The following ZSWIM5 variants were observed in gnomAD, a reference collection of about 807,000 sequenced individuals.
ZSWIM5 encodes the protein zinc finger SWIM-type containing 5, also known as zinc finger SWIM domain-containing protein 5.
In ZSWIM5, 55 loss-of-function variants were observed where a neutral mutation model predicts 119.6. The ratio of observed to expected loss-of-function variants is 0.46; its 90% confidence interval spans 0.37 to 0.58. The LOEUF (loss-of-function observed/expected upper bound fraction) is 0.58, where lower values mean the gene tolerates loss of function less well. Among genes scored for constraint, ZSWIM5 ranks in the 20% least tolerant of loss-of-function variants. The probability of loss-of-function intolerance (pLI) is 0.00; values close to 1 mark genes in which losing one functional copy is unlikely to be tolerated. For synonymous variants in ZSWIM5, 537 were observed against 606.9 expected (o/e 0.88, Z 1.69); for missense variants, 1,193 against 1,512.8 (o/e 0.79, Z 3.51).
chr1:45,097,560 A>G (rs533869603), intron 1 of ZSWIM5, among the ~76,000 whole-genome samples: 1 of 152,342 alleles, frequency 6.6e-6, no homozygotes, highest in African/African-American at 2.4e-5. Context: ...AAGTTACGTG[A>G]TTTGCCCTAA....
intron 1 of ZSWIM5, among the ~76,000 whole-genome samples, chr1:45,150,932 G>C (rs1645793460): frequency 6.6e-6 from 1 of 152,118 alleles, no homozygotes; most frequent in East Asian, 1.9e-4. Flanking sequence ...AAGGAACCCA[G>C]GATTCTCTGT....
intron 1 of ZSWIM5, among the ~76,000 whole-genome samples, chr1:45,136,056 T>A (rs1377471287): frequency 1.1e-4 from 17 of 152,148 alleles, no homozygotes; most frequent in Admixed American, 1.1e-3. Context: ...CGATGGAGTT[T>A]CGCCATGTTG....
chr1:45,160,342 T>C (rs1182457101), intron 1 of ZSWIM5, among the ~76,000 whole-genome samples: 1 of 152,196 alleles, frequency 6.6e-6, no homozygotes, highest in African/African-American at 2.4e-5. Flanking sequence ...AAATATACAA[T>C]ACATTGTTGC....
intron 1 of ZSWIM5, among the ~76,000 whole-genome samples, chr1:45,101,141 C>T (rs1645437420): frequency 6.6e-6 from 1 of 151,696 alleles, no homozygotes; most frequent in Non-Finnish European, 1.5e-5. Context: ...TTGCAATCTA[C>T]TCATCTGACA....
chr1:45,182,453 C>A (rs1646027479), intron 1 of ZSWIM5, among the ~76,000 whole-genome samples: 3 of 151,432 alleles, frequency 2.0e-5, no homozygotes, highest in Non-Finnish European at 2.9e-5. Context: ...CACAGACTGG[C>A]AAATTGGATA....
intron 11 of ZSWIM5, among the ~76,000 whole-genome samples, chr1:45,033,654 A>G (rs1034721610): frequency 6.6e-6 from 1 of 152,126 alleles, no homozygotes; most frequent in African/African-American, 2.4e-5. Context: ...TATCTTAGTC[A>G]TCACTTCATT....
intron 1 of ZSWIM5, among the ~76,000 whole-genome samples, chr1:45,122,061 G>A (rs2149027889): frequency 6.6e-6 from 1 of 152,190 alleles, no homozygotes; most frequent in Middle Eastern, 3.4e-3. Context: ...ATTATCTATA[G>A]TACACAATTA....
intron 5 of ZSWIM5, among the ~76,000 whole-genome samples, chr1:45,047,222 G>A (rs745802681): frequency 3.3e-5 from 5 of 152,030 alleles, no homozygotes; most frequent in Middle Eastern, 3.4e-3. Flanking sequence ...CAAATACTGC[G>A]GATAGGTCAA....
At chr1:45,173,545 G>A (rs1645958551) in intron 1 of ZSWIM5, among the ~76,000 whole-genome samples, 1 of 152,046 alleles carries the variant, frequency 6.6e-6, no homozygotes, top group Non-Finnish European at 1.5e-5. Flanking sequence ...TTTTCACTGT[G>A]CATAACTGAA....
intron 2 of ZSWIM5, among the ~76,000 whole-genome samples, chr1:45,082,830 G>C (rs1205309004): frequency 6.6e-6 from 1 of 152,218 alleles, no homozygotes; most frequent in Non-Finnish European, 1.5e-5. Context: ...CAGCACAGTA[G>C]TAATGAGGGA....
chr1:45,196,221 TA>T (rs1646124866), intron 1 of ZSWIM5, among the ~76,000 whole-genome samples: 1 of 151,396 alleles, frequency 6.6e-6, no homozygotes, highest in Non-Finnish European at 1.5e-5. Context: ...CGGCTGCATA[TA>T]AAATTACCTG....
intron 11 of ZSWIM5, among the ~76,000 whole-genome samples, chr1:45,031,319 G>A (rs1553187682): frequency 6.6e-6 from 1 of 151,434 alleles, no homozygotes; most frequent in Non-Finnish European, 1.5e-5. Flanking sequence ...TGGGATTATA[G>A]GCGCATGCCA....
intron 1 of ZSWIM5, among the ~76,000 whole-genome samples, chr1:45,175,843 A>G (rs1019270488): frequency 6.6e-6 from 1 of 150,758 alleles, no homozygotes; most frequent in Non-Finnish European, 1.5e-5. Flanking sequence ...TTATTTTGAC[A>G]CTCAATTCAT....
chr1:45,021,873 T>G (rs938359185), intron 11 of ZSWIM5, among the ~76,000 whole-genome samples: 1 of 151,576 alleles, frequency 6.6e-6, no homozygotes, highest in African/African-American at 2.4e-5. Flanking sequence ...AATACAAAAA[T>G]TAGCCAGGCA....
intron 3 of ZSWIM5, among the ~76,000 whole-genome samples, chr1:45,058,992 CA>C (rs1264126876): frequency 1.3e-5 from 2 of 152,284 alleles, no homozygotes; most frequent in African/African-American, 4.8e-5. Flanking sequence ...ATTAAAAAGT[CA>C]GATAACAAGT....
At chr1:45,143,739 G>A (rs1645744249) in intron 1 of ZSWIM5, among the ~76,000 whole-genome samples, 1 of 151,914 alleles carries the variant, frequency 6.6e-6, no homozygotes. Context: ...CTTATTCAAA[G>A]ATAACATGAT....
chr1:45,125,358 A>C (rs929690263), intron 1 of ZSWIM5, among the ~76,000 whole-genome samples: 2 of 152,222 alleles, frequency 1.3e-5, no homozygotes, highest in African/African-American at 4.8e-5. Flanking sequence ...GGGTCAAAGA[A>C]GTCTCAAGGA....
chr1:45,123,704 T>C (rs1434985012), intron 1 of ZSWIM5, among the ~76,000 whole-genome samples: 1 of 152,080 alleles, frequency 6.6e-6, no homozygotes, highest in African/African-American at 2.4e-5. Flanking sequence ...TGAAATAATG[T>C]CTGAAAACTC....
intron 2 of ZSWIM5, among the ~76,000 whole-genome samples, chr1:45,081,731 AC>A (rs1205317983): frequency 2.6e-5 from 4 of 151,588 alleles, no homozygotes; most frequent in Non-Finnish European, 5.9e-5. Flanking sequence ...CCCGGCCGCC[AC>A]CCCGTCTGGG....
Sources: allele counts gnomAD v4.1 joint callset (sites outside exome capture counted in the v4.1 genomes callset), GRCh38; gene constraint gnomAD v4.1.1; transcripts MANE v1.5; gene names NCBI Gene and HGNC (gene_info 2026-07-23, HGNC 2026-07-21).